Variants in SUGCT observed in about 807,000 individuals in gnomAD.
The protein encoded by SUGCT is succinyl-CoA:glutarate CoA-transferase.
Under a neutral mutation model 55.0 loss-of-function variants are expected in SUGCT, and 41 were observed. The ratio of observed to expected loss-of-function variants is 0.74; its 90% CI spans 0.58 to 0.97. The LOEUF (loss-of-function observed/expected upper bound fraction) is 0.97. Among genes scored for constraint, SUGCT ranks in the 50% least tolerant of loss-of-function variants. The pLI, the probability that SUGCT is intolerant of heterozygous loss-of-function variation, is 0.00. For missense variants in SUGCT, 568 were observed against 547.8 expected, an observed-to-expected ratio of 1.04 and a Z score of -0.37; for synonymous variants, 187 against 200.4, an observed-to-expected ratio of 0.93 and a Z score of 0.56.
chr7:40,151,432 G>T lies in SUGCT; in HGVS notation c.100+16312G>T, dbSNP rs1788566681. 2.0e-5 allele frequency among the ~76,000 whole-genome samples: 3 copies of T among 152,178 alleles called. No individual in the cohort carries two copies. In the South Asian group the frequency reaches 6.2e-4, roughly 31 times the overall value. ...CTGGCTTCAGCTGCCTTTTTTAGAT[G>T]AAGATTGTATTCACAGTGACTGTGA... On this transcript the variant is annotated intron_variant, in intron 1 of 13. Transcript: ENST00000335693.
intron 7 of SUGCT, among the ~76,000 whole-genome samples, chr7:40,255,237 A>AG (rs1324860115): frequency 2.2e-4 from 34 of 151,558 alleles, no homozygotes; most frequent in African/African-American, 8.0e-4. Context: ...CAAAAAAAAA[A>AG]AAAAAAAGAA....
chr7:40,247,674 T>C (rs1250762812), intron 7 of SUGCT, among the ~76,000 whole-genome samples: 1 of 152,226 alleles, frequency 6.6e-6, no homozygotes, highest in Non-Finnish European at 1.5e-5. Context: ...CATTTAGATA[T>C]CTATGTGAAC....
At chr7:40,602,260 A>G (rs953666719) in intron 12 of SUGCT, among the ~76,000 whole-genome samples, 1 of 152,200 alleles carries the variant, frequency 6.6e-6, no homozygotes, top group African/African-American at 2.4e-5. Flanking sequence ...GTGCTTTGCC[A>G]TGGTTACCAC....
intron 9 of SUGCT, among the ~76,000 whole-genome samples, chr7:40,333,748 C>G (rs565525867): frequency 1.2e-5 from 1 of 84,388 alleles, no homozygotes; most frequent in African/African-American, 5.0e-5. Flanking sequence ...GTGACAGCAT[C>G]GACCAGTGGC....
chr7:40,417,654 A>G (rs1257117995), intron 9 of SUGCT, among the ~76,000 whole-genome samples: 1 of 151,646 alleles, frequency 6.6e-6, no homozygotes, highest in Non-Finnish European at 1.5e-5. Context: ...TGAATAAAAT[A>G]TTTGTTCTCA....
At chr7:40,151,511 C>T in intron 1 of SUGCT, 1 of 167,698 alleles carries the variant, frequency 6.0e-6, no homozygotes. Context: ...ATATGCCTGG[C>T]ATTGGCACGA....
At chr7:40,734,536 G>A in intron 12 of SUGCT, among the ~76,000 whole-genome samples, 1 of 152,118 alleles carries the variant, frequency 6.6e-6, no homozygotes, top group Non-Finnish European at 1.5e-5. Flanking sequence ...CAAGTGTCAA[G>A]TATGGTCCTC....
the SUGCT span, among the ~76,000 whole-genome samples, chr7:40,898,004 T>C: frequency 1.3e-5 from 2 of 152,150 alleles, no homozygotes; most frequent in African/African-American, 2.4e-5. Context: ...TCAGGTTCCC[T>C]TCCGGTGTGA....
At chr7:40,394,197 AAGTCACTCTCAGAAAT>A (rs1785595233) in intron 9 of SUGCT, among the ~76,000 whole-genome samples, 1 of 152,156 alleles carries the variant, frequency 6.6e-6, no homozygotes, top group Admixed American at 6.5e-5. Flanking sequence ...AATGATGCCG[AAGTCACTCTCAGAAAT>A]TCTGCATCAT....
intron 9 of SUGCT, among the ~76,000 whole-genome samples, chr7:40,427,755 A>G (rs189365521): frequency 3.6e-4 from 55 of 152,244 alleles, no homozygotes; most frequent in Non-Finnish European, 7.4e-4. Flanking sequence ...TTCCGATTGT[A>G]ATGCAGGATA....
chr7:40,898,259 A>G, the SUGCT span, among the ~76,000 whole-genome samples: 2 of 152,092 alleles, frequency 1.3e-5, no homozygotes, highest in African/African-American at 4.8e-5. Flanking sequence ...GAGTTCAGAG[A>G]TACCACAAAC....
At chr7:40,763,838 C>T (rs1788651886) in intron 13 of SUGCT, among the ~76,000 whole-genome samples, 2 of 152,086 alleles carry the variant, frequency 1.3e-5, no homozygotes, top group Admixed American at 1.3e-4. Context: ...TAAACAGAAA[C>T]GATTCCTCCT....
intron 13 of SUGCT, among the ~76,000 whole-genome samples, chr7:40,759,653 T>C (rs1243907699): frequency 6.6e-6 from 1 of 152,128 alleles, no homozygotes; most frequent in Non-Finnish European, 1.5e-5. Context: ...TTTTTTTTTT[T>C]ACCTTACTTA....
At chr7:40,735,433 T>C (rs1787105804) in intron 12 of SUGCT, among the ~76,000 whole-genome samples, 1 of 152,164 alleles carries the variant, frequency 6.6e-6, no homozygotes, top group Non-Finnish European at 1.5e-5. Context: ...CTGGAGAACC[T>C]CTGTTTCTGA....
chr7:40,330,479 C>T (rs1280206608), intron 9 of SUGCT, among the ~76,000 whole-genome samples: 1 of 105,994 alleles, frequency 9.4e-6, no homozygotes, highest in Non-Finnish European at 2.0e-5. Context: ...TTTAGAAGAT[C>T]CGATTTTTTT....
In SUGCT at chr7:40,690,998, G is replaced by T. The variant is rs4050984; in HGVS notation, c.1090-58436G>T. Among the ~76,000 whole-genome samples the T allele has an allele frequency of 4.6e-5, 7 of 152,312 alleles. No homozygotes were observed. The East Asian group carries it at 1.3e-3, about 29-fold the overall frequency. On this transcript the variant is annotated intron_variant, in intron 12 of 13. Transcript: ENST00000335693. ...GGAAAAGGCAAGAGCCCATCTGGACGAAATATACTTGGGCCTTTTGCACTT... is the reference window on the plus strand; with the variant it reads ...GGAAAAGGCAAGAGCCCATCTGGACTAAATATACTTGGGCCTTTTGCACTT...
intron 12 of SUGCT, among the ~76,000 whole-genome samples, chr7:40,687,075 C>CTTGGA (rs1345462675): frequency 1.3e-5 from 2 of 152,120 alleles, no homozygotes; most frequent in African/African-American, 2.4e-5. Flanking sequence ...TTGATTACTG[C>CTTGGA]TTATCCACTG....
intron 1 of SUGCT, among the ~76,000 whole-genome samples, chr7:40,143,813 G>A (rs1397103237): frequency 6.6e-6 from 1 of 152,142 alleles, no homozygotes; most frequent in Non-Finnish European, 1.5e-5. Context: ...GAATCCAATA[G>A]GGTCTGTCCC....
chr7:40,905,445 G>GT, the SUGCT span, among the ~76,000 whole-genome samples: 1 of 152,208 alleles, frequency 6.6e-6, no homozygotes, highest in Non-Finnish European at 1.5e-5. Context: ...ATATTTGTAG[G>GT]TTTTTTGTTT....
Sources: allele counts gnomAD v4.1 joint callset (sites outside exome capture counted in the v4.1 genomes callset), GRCh38; gene constraint gnomAD v4.1.1; transcripts MANE v1.5; gene names NCBI Gene and HGNC (gene_info 2026-07-23, HGNC 2026-07-21).